Variants in SPOCK3 observed in about 807,000 individuals in gnomAD.
The protein encoded by SPOCK3 is testican-3.
A neutral mutation model predicts 56.6 loss-of-function variants in SPOCK3; 30 were observed. That is an observed-to-expected ratio of 0.53 (90% CI 0.40 to 0.72). SPOCK3 has a LOEUF of 0.72. Among genes scored for constraint, SPOCK3 ranks in the 30% least tolerant of loss-of-function variants. SPOCK3 has a pLI of 0.00. For synonymous variants in SPOCK3, 196 were observed against 183.3 expected (o/e 1.07, Z -0.56); for missense variants, 527 against 530.0 (o/e 0.99, Z 0.06).
chr4:167,161,634 C>G (rs1765315747), intron 2 of SPOCK3, among the ~76,000 whole-genome samples: 1 of 152,056 alleles, frequency 6.6e-6, no homozygotes, highest in South Asian at 2.1e-4. Context: ...AGACTTGGAA[C>G]CAACCCAAAT....
At chr4:167,233,668 T>G (rs913139345) in intron 2 of SPOCK3, among the ~76,000 whole-genome samples, 1 of 151,924 alleles carries the variant, frequency 6.6e-6, no homozygotes, top group Non-Finnish European at 1.5e-5. Flanking sequence ...GAAACACCAT[T>G]CAAAAGTTGA....
chr4:166,870,837 G>T (rs922970672), intron 6 of SPOCK3, among the ~76,000 whole-genome samples: 4 of 152,076 alleles, frequency 2.6e-5, no homozygotes, highest in Admixed American at 6.6e-5. Context: ...TCGAGGGAGG[G>T]ATGTGGTGGG....
intron 2 of SPOCK3, among the ~76,000 whole-genome samples, chr4:167,107,930 T>C (rs1760311129): frequency 1.3e-5 from 2 of 151,686 alleles, no homozygotes; most frequent in African/African-American, 4.8e-5. Flanking sequence ...ATAACTAGAA[T>C]GTATAAGGAA....
chr4:166,929,093 G>C (rs1474427224), intron 4 of SPOCK3, among the ~76,000 whole-genome samples: 23 of 152,154 alleles, frequency 1.5e-4, no homozygotes. Flanking sequence ...GGAGGGTTCT[G>C]CAATGTGTGG....
chr4:166,957,756 C>T (rs1460876503), intron 4 of SPOCK3, among the ~76,000 whole-genome samples: 1 of 152,078 alleles, frequency 6.6e-6, no homozygotes, highest in Non-Finnish European at 1.5e-5. Context: ...TTGCATGGGG[C>T]CTACAGTCTC....
At chr4:166,965,416 A>T (rs1744613674) in intron 4 of SPOCK3, among the ~76,000 whole-genome samples, 2 of 149,516 alleles carry the variant, frequency 1.3e-5, no homozygotes, top group African/African-American at 2.4e-5. Flanking sequence ...GTTTCTGAAA[A>T]TCTCTTTGTT....
chr4:166,888,490 A>G (rs1193340247), intron 6 of SPOCK3, among the ~76,000 whole-genome samples: 2 of 152,080 alleles, frequency 1.3e-5, no homozygotes, highest in African/African-American at 4.8e-5. Context: ...GGCATAAACA[A>G]TATTTCAAAT....
chr4:167,048,912 T>G (rs1040594874), intron 3 of SPOCK3, among the ~76,000 whole-genome samples: 1 of 152,280 alleles, frequency 6.6e-6, no homozygotes, highest in African/African-American at 2.4e-5. Context: ...AGTGCTTGTT[T>G]ACTTTGAAGA....
At chr4:167,084,827 C>T (rs561255726) in intron 2 of SPOCK3, among the ~76,000 whole-genome samples, 46 of 151,920 alleles carry the variant, frequency 3.0e-4, no homozygotes, top group Non-Finnish European at 5.3e-4. Context: ...TTAAATTAGA[C>T]GACAATGTGA....
At chr4:166,994,571 G>C (rs1748159343) in intron 4 of SPOCK3, among the ~76,000 whole-genome samples, 1 of 152,116 alleles carries the variant, frequency 6.6e-6, no homozygotes, top group Non-Finnish European at 1.5e-5. Flanking sequence ...ACCACGAGAA[G>C]GATTTTGGAC....
At chr4:167,186,925 C>T (rs1313827488) in intron 2 of SPOCK3, among the ~76,000 whole-genome samples, 2 of 147,382 alleles carry the variant, frequency 1.4e-5, no homozygotes, top group East Asian at 2.0e-4. Context: ...TGCAGTGAGC[C>T]GAGATCGTGC....
chr4:167,162,874 T>C (rs1291693709), intron 2 of SPOCK3, among the ~76,000 whole-genome samples: 1 of 152,002 alleles, frequency 6.6e-6, no homozygotes, highest in East Asian at 1.9e-4. Context: ...TGCAAAATTA[T>C]AGTGGAAAAA....
At chr4:166,744,838 G>A (rs571636798) in intron 8 of SPOCK3, among the ~76,000 whole-genome samples, 3 of 152,082 alleles carry the variant, frequency 2.0e-5, no homozygotes, top group South Asian at 2.1e-4. Context: ...TACGTGATGC[G>A]TGCATAAGCT....
At chr4:166,785,564 T>C (rs1740643733) in intron 7 of SPOCK3, among the ~76,000 whole-genome samples, 1 of 152,200 alleles carries the variant, frequency 6.6e-6, no homozygotes, top group Non-Finnish European at 1.5e-5. Flanking sequence ...AAAGACTATA[T>C]ATTTCATTAT....
At chr4:166,812,973 T>C (rs1743994104) in intron 6 of SPOCK3, among the ~76,000 whole-genome samples, 2 of 152,028 alleles carry the variant, frequency 1.3e-5, no homozygotes, top group South Asian at 2.1e-4. Context: ...CTCTCTTTAA[T>C]GTAGCATAAT....
At chr4:167,228,626 T>C (rs761729858) in intron 2 of SPOCK3, among the ~76,000 whole-genome samples, 1 of 152,030 alleles carries the variant, frequency 6.6e-6, no homozygotes, top group Non-Finnish European at 1.5e-5. Flanking sequence ...AGCAGGATAG[T>C]GGTTGTAGTA....
At chr4:166,976,333 A>C (rs1745942529) in intron 4 of SPOCK3, among the ~76,000 whole-genome samples, 1 of 152,100 alleles carries the variant, frequency 6.6e-6, no homozygotes, top group Non-Finnish European at 1.5e-5. Flanking sequence ...CACTGCTATC[A>C]TCCCAGCCAT....
chr4:166,811,316 C>CT (rs748601791), intron 6 of SPOCK3, among the ~76,000 whole-genome samples: 4,164 of 147,202 alleles, frequency 0.028, 99 homozygotes, highest in Non-Finnish European at 0.036. Context: ...CTCTACTCTT[C>CT]TTTTTTTTTT....
intron 5 of SPOCK3, among the ~76,000 whole-genome samples, chr4:166,892,996 AG>A (rs1232560236): frequency 6.6e-6 from 1 of 152,226 alleles, no homozygotes; most frequent in Non-Finnish European, 1.5e-5. Context: ...AGAGGTTTTC[AG>A]CTGGGGATAA....
Sources: allele counts gnomAD v4.1 joint callset (sites outside exome capture counted in the v4.1 genomes callset), GRCh38; gene constraint gnomAD v4.1.1; transcripts MANE v1.5; gene names NCBI Gene and HGNC (gene_info 2026-07-23, HGNC 2026-07-21).